FERMT2: variants seen among roughly 807,000 people sequenced by gnomAD.
The protein encoded by FERMT2 is FERM domain containing kindlin 2.
FERMT2 carries 15 observed loss-of-function variants against 82.7 expected under a neutral mutation model. The ratio of observed to expected loss-of-function variants is 0.18; its 90% CI spans 0.12 to 0.28. The LOEUF (loss-of-function observed/expected upper bound fraction) is 0.28. FERMT2 is among the 10% of genes least tolerant of loss of function. The probability of loss-of-function intolerance (pLI) is 1.00; values close to 1 mark genes in which losing one functional copy is unlikely to be tolerated. For missense variants in FERMT2, 645 were observed against 809.4 expected, an observed-to-expected ratio of 0.80 and a Z score of 2.46; for synonymous variants, 274 against 271.5, an observed-to-expected ratio of 1.01 and a Z score of -0.09.
intron 3 of FERMT2, among the ~76,000 whole-genome samples, chr14:52,913,653 A>T (rs2296496): frequency 0.55 from 81,839 of 147,510 alleles, 23,023 homozygotes; most frequent in East Asian, 0.75. Flanking sequence ...ACACAGAGCC[A>T]GAAGTTCAAT....
chr14:52,896,926 C>A (rs553822843), intron 3 of FERMT2, among the ~76,000 whole-genome samples: 1 of 151,594 alleles, frequency 6.6e-6, no homozygotes, highest in Non-Finnish European at 1.5e-5. Flanking sequence ...AGCCTGGAAG[C>A]TGCAGTGAGC....
chr14:52,869,662 TA>T (rs1885498616), intron 10 of FERMT2, among the ~76,000 whole-genome samples: 1 of 127,422 alleles, frequency 7.8e-6, no homozygotes, highest in Non-Finnish European at 1.9e-5. Flanking sequence ...GATAAATGAC[TA>T]TGTTACTGGT....
rs373022023 is a variant in FERMT2, at chr14:52,950,582, G to C, written c.-9-5C>G. The C allele has an allele frequency of 1.4e-5, 22 of 1,610,220 alleles. No homozygotes were observed. In the African/African-American group the frequency reaches 2.7e-4, roughly 20 times the overall value. ...GTCCAGAGCCATGGCTCCTTCCTGCGAGCGCGGAGGAAATGGCTCTCGTAA... is the reference window on the plus strand; with the variant it reads ...GTCCAGAGCCATGGCTCCTTCCTGCCAGCGCGGAGGAAATGGCTCTCGTAA... On this transcript the variant is annotated splice_region_variant and splice_polypyrimidine_tract_variant and intron_variant, in intron 1 of 14. Coordinates refer to ENST00000341590, the MANE Select transcript of FERMT2 (RefSeq NM_006832.3).
intron 4 of FERMT2, chr14:52,881,871 GC>G: frequency 3.4e-6 from 3 of 892,450 alleles, no homozygotes; most frequent in South Asian, 1.4e-5. Context: ...TAAAGGAAAG[GC>G]CACAACAGAG....
rs372487040 is a variant in FERMT2, at chr14:52,859,887, A to G, written c.1728-173T>C. The G allele has an allele frequency of 1.9e-3, 699 of 365,156 alleles. 4 individuals are homozygous for G. The highest frequency in any genetic ancestry group is 0.012 in the African/African-American group (528 of 44,922). 22.6% of individuals were successfully genotyped at this position (365,156 alleles called of 1,614,324 possible). The stretch of plus-strand genomic sequence containing the variant: ...GGCTGGAGTGCAGTGGCGCGATCTC[A>G]GCTCACTGCAAGCTCCGCCTCCTGG... On this transcript the variant is annotated intron_variant, in intron 13 of 14. Transcript: ENST00000341590.
intron 14 of FERMT2, chr14:52,858,836 A>T (rs1884725554): frequency 3.8e-6 from 1 of 264,916 alleles, no homozygotes; most frequent in African/African-American, 2.2e-5. Context: ...GATTGATTCA[A>T]TTAATGAGAA....
chr14:52,900,372 C>CATATAAAAT (rs1887551213), intron 3 of FERMT2, among the ~76,000 whole-genome samples: 2 of 151,798 alleles, frequency 1.3e-5, no homozygotes, highest in South Asian at 4.2e-4. Context: ...AAATACTATA[C>CATATAAAAT]ATATAAAAAA....
At chr14:52,948,270 T>A (rs1890453221) in intron 2 of FERMT2, among the ~76,000 whole-genome samples, 1 of 152,242 alleles carries the variant, frequency 6.6e-6, no homozygotes, top group South Asian at 2.1e-4. Context: ...TCATTCCAGT[T>A]TTACGCAACT....
At chr14:52,878,114 G>T (rs1256996131) in intron 7 of FERMT2, among the ~76,000 whole-genome samples, 1 of 152,108 alleles carries the variant, frequency 6.6e-6, no homozygotes, top group Non-Finnish European at 1.5e-5. Context: ...AAAAGGTTTG[G>T]TTCCACTAGT....
chr14:52,885,948 A>T (rs964890078), intron 4 of FERMT2, among the ~76,000 whole-genome samples: 11 of 151,918 alleles, frequency 7.2e-5, no homozygotes, highest in Non-Finnish European at 1.6e-4. Flanking sequence ...AATGTAAAAC[A>T]ATATGGTTTT....
chr14:52,904,903 T>C (rs1242106779), intron 3 of FERMT2, among the ~76,000 whole-genome samples: 1 of 151,586 alleles, frequency 6.6e-6, no homozygotes, highest in Non-Finnish European at 1.5e-5. Context: ...GAAGAAAGGG[T>C]TGAGGCCAGG....
intron 13 of FERMT2, 152 bp downstream of exon 13, chr14:52,860,189 C>G (rs991414292): frequency 1.7e-6 from 1 of 594,344 alleles, no homozygotes; most frequent in Non-Finnish European, 2.7e-6. Context: ...TAAAAGCTTA[C>G]AAAATACATT....
chr14:52,950,982 C>T lies in FERMT2; in HGVS notation c.-71G>A, dbSNP rs1049792228. On this transcript the variant is annotated 5_prime_UTR_variant, in exon 1 of 15. Coordinates refer to ENST00000341590, the MANE Select transcript of FERMT2 (RefSeq NM_006832.3). ...GGCAACAGGCGAGGGGCTGGAGGCT[C>T]GCGGGGCGGCGGTGTCCGCGTCCGG... The T allele has an allele frequency of 1.1e-3, 175 of 154,344 alleles. No individual in the cohort carries two copies. Among genetic ancestry groups the T allele is most frequent in the African/African-American group, 3.4e-3 (141 of 41,362 alleles). The allele number at this position is 154,344 out of a possible 1,614,324, so 9.6% of individuals were successfully genotyped here.
intron 4 of FERMT2, among the ~76,000 whole-genome samples, chr14:52,890,103 C>G (rs1594953300): frequency 6.9e-6 from 1 of 144,010 alleles, no homozygotes; most frequent in South Asian, 2.2e-4. Flanking sequence ...CTGGGTGACA[C>G]AGTGAGACTG....
At chr14:52,885,312 C>CACAAAAA (rs1368863667) in intron 4 of FERMT2, among the ~76,000 whole-genome samples, 1 of 61,064 alleles carries the variant, frequency 1.6e-5, no homozygotes, top group African/African-American at 6.6e-5. Flanking sequence ...GACTTAGTCT[C>CACAAAAA]AAAAAAAAAA....
chr14:52,932,249 G>A (rs951144684), intron 2 of FERMT2, among the ~76,000 whole-genome samples: 3 of 152,136 alleles, frequency 2.0e-5, no homozygotes, highest in Non-Finnish European at 4.4e-5. Context: ...ATAAAGTTAC[G>A]CAGAAGAGAA....
At chr14:52,862,689 C>T (rs1885026771) in intron 12 of FERMT2, 1 of 152,062 alleles carries the variant, frequency 6.6e-6, no homozygotes, top group East Asian at 1.9e-4. Context: ...ACAAAATACA[C>T]ACCAAAAAAT....
intron 6 of FERMT2, among the ~76,000 whole-genome samples, chr14:52,879,806 C>T (rs181630129): frequency 4.6e-5 from 7 of 152,204 alleles, no homozygotes; most frequent in African/African-American, 1.4e-4. Context: ...AGATTCAAAC[C>T]TCTGTGCCAA....
At chr14:52,944,906 CTTTTTT>C (rs879263740) in intron 2 of FERMT2, among the ~76,000 whole-genome samples, 1 of 147,620 alleles carries the variant, frequency 6.8e-6, no homozygotes, top group Admixed American at 6.8e-5. Context: ...TTTTCTTTTT[CTTTTTT>C]TTTTGGAGAC....
Sources: allele counts gnomAD v4.1 joint callset (sites outside exome capture counted in the v4.1 genomes callset), GRCh38; gene constraint gnomAD v4.1.1; transcripts MANE v1.5; gene names NCBI Gene and HGNC (gene_info 2026-07-23, HGNC 2026-07-21).